Variants in LRFN2 observed in about 807,000 individuals in gnomAD.
LRFN2 encodes leucine-rich repeat and fibronectin type-III domain-containing protein 2.
LRFN2 carries 18 observed loss-of-function variants against 37.3 expected under a neutral mutation model. The ratio of observed to expected loss-of-function variants is 0.48; its 90% confidence interval spans 0.33 to 0.72. LRFN2 has a LOEUF of 0.72. Among genes scored for constraint, LRFN2 ranks in the 30% least tolerant of loss-of-function variants. The probability of loss-of-function intolerance (pLI) is 0.02; values close to 1 mark genes in which losing one functional copy is unlikely to be tolerated. For missense variants in LRFN2, 1,006 were observed against 1,060.7 expected, an observed-to-expected ratio of 0.95 and a Z score of 0.72; for synonymous variants, 556 against 466.6, an observed-to-expected ratio of 1.19 and a Z score of -2.47.
At chr6:40,453,221 C>A (rs1465718) in intron 1 of LRFN2, among the ~76,000 whole-genome samples, 1 of 151,954 alleles carries the variant, frequency 6.6e-6, no homozygotes, top group Non-Finnish European at 1.5e-5. Context: ...TATGTCAATA[C>A]GGTTGGAAGG....
chr6:40,574,969 CAGGGAGATA>C (rs568707123), intron 1 of LRFN2, among the ~76,000 whole-genome samples: 1 of 152,264 alleles, frequency 6.6e-6, no homozygotes, highest in South Asian at 2.1e-4. Flanking sequence ...ACCTGGGAGA[CAGGGAGATA>C]AGTGTCTGGG....
chr6:40,570,616 AG>A (rs1422824486), intron 1 of LRFN2, among the ~76,000 whole-genome samples: 1 of 152,206 alleles, frequency 6.6e-6, no homozygotes. Flanking sequence ...GAGTGTGGAA[AG>A]GAACACATGG....
intron 1 of LRFN2, among the ~76,000 whole-genome samples, chr6:40,442,113 C>A (rs1442551047): frequency 6.6e-6 from 1 of 152,192 alleles, no homozygotes; most frequent in African/African-American, 2.4e-5. Context: ...AACACACCAG[C>A]ACCCTCTACC....
At chr6:40,555,364 G>A (rs1766852275) in intron 1 of LRFN2, among the ~76,000 whole-genome samples, 1 of 152,182 alleles carries the variant, frequency 6.6e-6, no homozygotes, top group African/African-American at 2.4e-5. Flanking sequence ...GTAAGGAGGT[G>A]AGGAGACCCT....
intron 1 of LRFN2, among the ~76,000 whole-genome samples, chr6:40,563,746 C>A (rs377676610): frequency 1.3e-5 from 2 of 152,266 alleles, no homozygotes; most frequent in East Asian, 3.9e-4. Flanking sequence ...GATGATAAGA[C>A]AGATGTGGAA....
At chr6:40,426,260 T>C (rs1054519267) in intron 2 of LRFN2, among the ~76,000 whole-genome samples, 1 of 152,234 alleles carries the variant, frequency 6.6e-6, no homozygotes, top group Admixed American at 6.5e-5. Context: ...TTAAATGTTT[T>C]CACTCCTGCC....
intron 1 of LRFN2, among the ~76,000 whole-genome samples, chr6:40,462,346 C>T (rs1001147484): frequency 5.9e-5 from 9 of 152,202 alleles, no homozygotes; most frequent in Non-Finnish European, 1.3e-4. Flanking sequence ...TCCATACTCT[C>T]TTGCAGGATT....
intron 1 of LRFN2, among the ~76,000 whole-genome samples, chr6:40,540,947 A>G (rs1027977814): frequency 1.3e-5 from 2 of 152,166 alleles, no homozygotes; most frequent in African/African-American, 4.8e-5. Context: ...GGGGGTCAGG[A>G]GGGAATGAGA....
intron 1 of LRFN2, among the ~76,000 whole-genome samples, chr6:40,477,910 C>T (rs1267027974): frequency 6.6e-6 from 1 of 152,192 alleles, no homozygotes; most frequent in Non-Finnish European, 1.5e-5. Flanking sequence ...CAGACAATGC[C>T]ACAAGATGTT....
At chr6:40,586,040 C>T (rs1767497074) in intron 1 of LRFN2, among the ~76,000 whole-genome samples, 1 of 152,114 alleles carries the variant, frequency 6.6e-6, no homozygotes, top group African/African-American at 2.4e-5. Flanking sequence ...AGTCCCTCTG[C>T]GGTCTCCACT....
intron 1 of LRFN2, among the ~76,000 whole-genome samples, chr6:40,577,109 T>TTCTCTTCTC (rs1767299061): frequency 7.0e-6 from 1 of 142,854 alleles, no homozygotes. Flanking sequence ...TTTTCCTTTC[T>TTCTCTTCTC]TTTCTTTTTA....
At chr6:40,569,443 G>A (rs1767148269) in intron 1 of LRFN2, among the ~76,000 whole-genome samples, 2 of 152,172 alleles carry the variant, frequency 1.3e-5, no homozygotes, top group African/African-American at 4.8e-5. Context: ...AATCTTCACT[G>A]AGACTCAGAA....
At chr6:40,400,607 G>C (rs1762718675) in intron 2 of LRFN2, among the ~76,000 whole-genome samples, 1 of 151,460 alleles carries the variant, frequency 6.6e-6, no homozygotes, top group Non-Finnish European at 1.5e-5. Flanking sequence ...TTTTAGTAGA[G>C]ATGGGGTTTC....
intron 1 of LRFN2, among the ~76,000 whole-genome samples, chr6:40,494,716 A>T (rs1765182000): frequency 6.6e-6 from 1 of 150,502 alleles, no homozygotes; most frequent in Admixed American, 6.6e-5. Context: ...CATCCATAAC[A>T]CCTCACCTCT....
chr6:40,450,967 T>C (rs1275921240), intron 1 of LRFN2, among the ~76,000 whole-genome samples: 2 of 152,214 alleles, frequency 1.3e-5, no homozygotes, highest in African/African-American at 4.8e-5. Flanking sequence ...TGCACAGATG[T>C]GGGCTATAGG....
chr6:40,432,008 G>A lies in LRFN2; in HGVS notation c.1106C>T (p.Thr369Met), dbSNP rs774490346. 1.7e-5 allele frequency: 27 copies of A among 1,613,582 alleles called. No homozygotes were observed. Among genetic ancestry groups the A allele is most frequent in the Admixed American group, 6.7e-5 (4 of 60,012 alleles). The change falls in exon 2 of 3, where the codon ACG (threonine) becomes ATG (methionine). Residue 369 changes from threonine (T) to methionine (M), a missense_variant. Around this residue, in one of 4 missense-constraint regions of LRFN2, gnomAD observed 303 missense variants for 299.8 expected, o/e 1.01. Transcript: ENST00000338305. ...CIAANAAGEA[T>M]AMVEVSIVQL... Reference sequence around the variant, plus strand: ...GACGATGGAGACCTCCACCATGGCCGTGGCCTCTCCGGCAGCATTGGCAGC... The same window carrying A: ...GACGATGGAGACCTCCACCATGGCCATGGCCTCTCCGGCAGCATTGGCAGC...
chr6:40,396,050 C>T (rs1762608025), intron 2 of LRFN2, among the ~76,000 whole-genome samples: 1 of 147,678 alleles, frequency 6.8e-6, no homozygotes, highest in African/African-American at 2.5e-5. Context: ...GCAGATCACA[C>T]TAGTACTACT....
chr6:40,418,263 C>A (rs538024773), intron 2 of LRFN2, among the ~76,000 whole-genome samples: 1 of 152,276 alleles, frequency 6.6e-6, no homozygotes, highest in African/African-American at 2.4e-5. Context: ...GGTCTCCACT[C>A]CAACATCACT....
At chr6:40,431,613 G>T in intron 2 of LRFN2, 101 bp downstream of exon 2, 1 of 1,024,698 alleles carries the variant, frequency 9.8e-7, no homozygotes, top group Non-Finnish European at 1.4e-6. Flanking sequence ...GACACCTTTG[G>T]GGAAGAGGGG....
Sources: allele counts gnomAD v4.1 joint callset (sites outside exome capture counted in the v4.1 genomes callset), GRCh38; gene constraint gnomAD v4.1.1; regional missense constraint gnomAD v4.1.1; transcripts MANE v1.5; gene names NCBI Gene and HGNC (gene_info 2026-07-23, HGNC 2026-07-21).